Variants in CADM2 observed in about 807,000 individuals in gnomAD.
CADM2 encodes cell adhesion molecule 2, also known as immunoglobulin superfamily member 4D.
Under a neutral mutation model 49.8 loss-of-function variants are expected in CADM2, and 12 were observed. That is an observed-to-expected ratio of 0.24 (90% CI 0.15 to 0.39). The LOEUF (loss-of-function observed/expected upper bound fraction) is 0.39, where lower values mean the gene tolerates loss of function less well. CADM2 is among the 10% of genes least tolerant of loss of function. The pLI is 1.00. For missense variants in CADM2, 378 were observed against 492.3 expected (o/e 0.77, Z 2.20); for synonymous variants, 214 against 175.4 (o/e 1.22, Z -1.74).
chr3:85,203,633 G>A (rs1462933116), intron 1 of CADM2, among the ~76,000 whole-genome samples: 1 of 152,194 alleles, frequency 6.6e-6, no homozygotes, highest in Non-Finnish European at 1.5e-5. Context: ...AAAAAAAGCA[G>A]TTTGTAGACT....
At chr3:85,021,988 T>C (rs1681629170) in intron 1 of CADM2, among the ~76,000 whole-genome samples, 1 of 152,184 alleles carries the variant, frequency 6.6e-6, no homozygotes, top group Admixed American at 6.5e-5. Flanking sequence ...CTGTTATGTG[T>C]GTTTTAGCAT....
At chr3:85,938,101 G>A (rs964908071) in intron 7 of CADM2, among the ~76,000 whole-genome samples, 3 of 151,716 alleles carry the variant, frequency 2.0e-5, no homozygotes, top group African/African-American at 4.8e-5. Flanking sequence ...CTTCTTCTTC[G>A]TTCTTCTAAT....
At chr3:85,127,794 A>T (rs1458263108) in intron 1 of CADM2, among the ~76,000 whole-genome samples, 1 of 152,120 alleles carries the variant, frequency 6.6e-6, no homozygotes, top group East Asian at 1.9e-4. Context: ...TCTGACACAT[A>T]TTTGATTTTA....
At chr3:85,490,153 T>G (rs2039612190) in intron 1 of CADM2, among the ~76,000 whole-genome samples, 1 of 152,090 alleles carries the variant, frequency 6.6e-6, no homozygotes, top group Non-Finnish European at 1.5e-5. Flanking sequence ...TCTTATTTAA[T>G]TCTCGCAGAA....
chr3:85,500,331 T>A (rs2040063985), intron 1 of CADM2, among the ~76,000 whole-genome samples: 1 of 152,146 alleles, frequency 6.6e-6, no homozygotes, highest in Admixed American at 6.6e-5. Flanking sequence ...TTAATCAGTT[T>A]AAAAATGCAT....
intron 8 of CADM2, among the ~76,000 whole-genome samples, chr3:86,059,377 G>C (rs983927721): frequency 6.6e-6 from 1 of 151,986 alleles, no homozygotes; most frequent in Non-Finnish European, 1.5e-5. Flanking sequence ...CTGAACTTAG[G>C]TATTATAATT....
In CADM2 at chr3:85,877,670, AT is replaced by A. The variant is rs924773018; in HGVS notation, c.239-5613del. Among the ~76,000 whole-genome samples the A allele has an allele frequency of 3.2e-4, 32 of 101,318 alleles. No individual in the cohort carries two copies. In the East Asian group the frequency reaches 7.4e-3, roughly 24 times the overall value. The allele number at this position is 101,318 out of a possible 152,430, so 66.5% of individuals were successfully genotyped here. On this transcript the variant is annotated intron_variant, in intron 3 of 9. Transcript: ENST00000383699. ...ATACTCAACAGTGTCTAAATGGAAC[AT>A]TTTTTTTCTTCTGTTTTTTTTTTTT...
intron 7 of CADM2, among the ~76,000 whole-genome samples, chr3:85,940,523 A>T (rs1721764130): frequency 6.6e-6 from 1 of 152,142 alleles, no homozygotes; most frequent in African/African-American, 2.4e-5. Flanking sequence ...TGTTTACCAA[A>T]ATAAGATAAA....
intron 1 of CADM2, among the ~76,000 whole-genome samples, chr3:85,421,167 G>A (rs1234693838): frequency 6.6e-6 from 1 of 152,150 alleles, no homozygotes; most frequent in Admixed American, 6.5e-5. Context: ...CTGCAAGACA[G>A]GCAGAGCCAG....
chr3:84,985,365 C>A (rs539739586), intron 1 of CADM2, among the ~76,000 whole-genome samples: 5 of 151,946 alleles, frequency 3.3e-5, no homozygotes, highest in African/African-American at 1.2e-4. Context: ...TTCATTAAAC[C>A]TAAGTAATAT....
chr3:85,168,726 A>T (rs1484381804), intron 1 of CADM2, among the ~76,000 whole-genome samples: 3 of 152,164 alleles, frequency 2.0e-5, no homozygotes, highest in Non-Finnish European at 1.5e-5. Context: ...AATAAAACTT[A>T]ATAGACATAT....
intron 1 of CADM2, among the ~76,000 whole-genome samples, chr3:85,360,213 A>G (rs564833682): frequency 2.6e-5 from 4 of 152,144 alleles, no homozygotes; most frequent in Non-Finnish European, 5.9e-5. Flanking sequence ...AGCAAGCAGG[A>G]CATAAAAAGC....
At chr3:85,336,992 T>TA (rs1559786608) in intron 1 of CADM2, among the ~76,000 whole-genome samples, 17 of 86,266 alleles carry the variant, frequency 2.0e-4, no homozygotes, top group African/African-American at 5.6e-4. Flanking sequence ...ATATATATAT[T>TA]TAATATATAT....
intron 5 of CADM2, among the ~76,000 whole-genome samples, chr3:85,886,849 A>G (rs893883280): frequency 6.6e-6 from 1 of 152,164 alleles, no homozygotes; most frequent in East Asian, 1.9e-4. Flanking sequence ...AATTCTTTAT[A>G]CATCTAAATT....
intron 2 of CADM2, chr3:85,799,928 C>T (rs147814710): frequency 2.2e-4 from 33 of 152,490 alleles, no homozygotes; most frequent in African/African-American, 7.7e-4. Flanking sequence ...GGAAGATCAG[C>T]TGCTATCTTC....
At chr3:85,178,782 C>T (rs1234466347) in intron 1 of CADM2, among the ~76,000 whole-genome samples, 2 of 151,378 alleles carry the variant, frequency 1.3e-5, no homozygotes, top group Admixed American at 6.6e-5. Context: ...TGTAAAAATA[C>T]GTGAGTCTAC....
chr3:85,883,451 C>T lies in CADM2; in HGVS notation c.391+8C>T. ...CATATCTCACCGTTCTGGGTAAGTG[C>T]AAGGGACTAACACCATGTAATCACA... On this transcript the variant is annotated splice_region_variant and intron_variant, in intron 4 of 9. Transcript: ENST00000383699. The T allele has an allele frequency of 6.2e-7, 1 of 1,611,124 alleles. No individual in the cohort carries two copies. Among genetic ancestry groups the T allele is most frequent in the Non-Finnish European group, 8.5e-7 (1 of 1,177,962 alleles).
chr3:85,463,987 A>C (rs144522729), intron 1 of CADM2, among the ~76,000 whole-genome samples: 1 of 152,174 alleles, frequency 6.6e-6, no homozygotes, highest in African/African-American at 2.4e-5. Flanking sequence ...TCGAAAGATC[A>C]TATATTGCTT....
At position 85,827,782 on chromosome 3, in the gene CADM2, A is replaced by G. The variant is rs73147110; in HGVS notation, c.238+25586A>G. The stretch of plus-strand genomic sequence containing the variant: ...AATGTATTGTTTTTAACTCATAAAA[A>G]TTTTTCTCTCATATATCGTACTCAA... On this transcript the variant is annotated intron_variant, in intron 3 of 9. Coordinates refer to ENST00000383699, the MANE Select transcript of CADM2 (RefSeq NM_001167675.2). 8.9e-3 allele frequency among the ~76,000 whole-genome samples: 1,357 copies of G among 151,968 alleles called. 14 individuals are homozygous for G. The highest frequency in any genetic ancestry group is 0.041 in the Middle Eastern group (12 of 294).
Sources: gnomAD v4.1 joint callset for allele counts (sites outside exome capture counted in the v4.1 genomes callset) on GRCh38, gnomAD v4.1.1 for gene constraint, MANE v1.5 for transcripts, NCBI Gene and HGNC (gene_info 2026-07-23, HGNC 2026-07-21) for gene names.